The following SETBP1 variants were observed in gnomAD, a reference collection of about 807,000 sequenced individuals.
SETBP1 encodes the protein SET binding protein 1, also known as SET-binding protein.
SETBP1 carries 9 observed loss-of-function variants against 101.0 expected under a neutral mutation model. The observed-to-expected ratio is 0.09, with a 90% confidence interval of 0.05 to 0.16. SETBP1 has a LOEUF of 0.16. Ranked by LOEUF, SETBP1 falls within the 10% of genes least tolerant of loss-of-function variation. SETBP1 has a pLI of 1.00. For missense variants in SETBP1, 1,858 were observed against 2,033.8 expected, an observed-to-expected ratio of 0.91 and a Z score of 1.66; for synonymous variants, 818 against 788.5, an observed-to-expected ratio of 1.04 and a Z score of -0.63.
chr18:44,798,522 G>C (rs1389979830), intron 2 of SETBP1, among the ~76,000 whole-genome samples: 2 of 152,144 alleles, frequency 1.3e-5, no homozygotes, highest in African/African-American at 2.4e-5. Context: ...GGTATAGGAA[G>C]ATACCCAGGA....
intron 3 of SETBP1, among the ~76,000 whole-genome samples, chr18:44,925,012 T>G (rs1816830): frequency 0.25 from 16,655 of 66,516 alleles, 1,287 homozygotes; most frequent in East Asian, 0.4. Context: ...TGTGAGTTTT[T>G]TTTTTTTTTT....
At chr18:44,687,882 T>C (rs1045595936) in intron 1 of SETBP1, among the ~76,000 whole-genome samples, 3 of 152,134 alleles carry the variant, frequency 2.0e-5, no homozygotes, top group Non-Finnish European at 4.4e-5. Flanking sequence ...CCATAGCACC[T>C]GGTCTGCCCA....
intron 2 of SETBP1, among the ~76,000 whole-genome samples, chr18:44,709,488 C>T (rs955438368): frequency 2.0e-5 from 3 of 152,206 alleles, no homozygotes; most frequent in African/African-American, 7.2e-5. Context: ...CCTCTTGAAA[C>T]GTTTCCTGAC....
intron 2 of SETBP1, among the ~76,000 whole-genome samples, chr18:44,819,489 A>T (rs2072056922): frequency 6.6e-6 from 1 of 152,220 alleles, no homozygotes; most frequent in South Asian, 2.1e-4. Context: ...GCACATGGAA[A>T]TGGAAGCTTT....
intron 2 of SETBP1, among the ~76,000 whole-genome samples, chr18:44,771,916 A>AT (rs1333250486): frequency 1.3e-5 from 2 of 152,256 alleles, no homozygotes; most frequent in African/African-American, 2.4e-5. Flanking sequence ...TGCAGCTTAT[A>AT]TGATGGAACA....
At chr18:44,834,860 A>G (rs2072462283) in intron 2 of SETBP1, among the ~76,000 whole-genome samples, 1 of 152,174 alleles carries the variant, frequency 6.6e-6, no homozygotes, top group Non-Finnish European at 1.5e-5. Flanking sequence ...AGTTAAATCA[A>G]AAGGAGGGAG....
intron 3 of SETBP1, among the ~76,000 whole-genome samples, chr18:44,888,907 A>G (rs947813985): frequency 6.6e-6 from 1 of 152,008 alleles, no homozygotes; most frequent in Admixed American, 6.6e-5. Flanking sequence ...GTACCTACCT[A>G]TTTTTTCCCA....
chr18:44,832,256 T>C (rs1053445674), intron 2 of SETBP1, among the ~76,000 whole-genome samples: 3 of 152,226 alleles, frequency 2.0e-5, no homozygotes, highest in African/African-American at 7.2e-5. Context: ...TGACCAGTTA[T>C]ACCCTGGTCA....
At chr18:44,921,742 C>T (rs796369153) in intron 3 of SETBP1, among the ~76,000 whole-genome samples, 18 of 152,106 alleles carry the variant, frequency 1.2e-4, no homozygotes, top group African/African-American at 4.1e-4. Flanking sequence ...TGTGCTAAGC[C>T]CTATAGGATA....
chr18:44,716,376 C>T (rs777566895), intron 2 of SETBP1, among the ~76,000 whole-genome samples: 15 of 152,122 alleles, frequency 9.9e-5, no homozygotes, highest in Non-Finnish European at 1.5e-4. Context: ...CCACCACTGA[C>T]GGAAGTTTTT....
chr18:44,858,230 CA>C (rs1252613316), intron 2 of SETBP1, among the ~76,000 whole-genome samples: 14 of 152,286 alleles, frequency 9.2e-5, no homozygotes, highest in African/African-American at 3.4e-4. Context: ...AGAGTATCTT[CA>C]ATGGTGAAGA....
intron 4 of SETBP1, among the ~76,000 whole-genome samples, chr18:44,964,781 A>T (rs904019641): frequency 6.6e-6 from 1 of 151,872 alleles, no homozygotes; most frequent in Non-Finnish European, 1.5e-5. Context: ...AGGAAAACCA[A>T]CTCATGCTCC....
chr18:44,684,939 G>A (rs900170139), intron 1 of SETBP1, among the ~76,000 whole-genome samples: 2 of 152,090 alleles, frequency 1.3e-5, no homozygotes, highest in African/African-American at 2.4e-5. Flanking sequence ...GGGCCACCGC[G>A]CCCGACCGAG....
intron 2 of SETBP1, among the ~76,000 whole-genome samples, chr18:44,762,328 G>C (rs942130483): frequency 5.9e-5 from 9 of 152,132 alleles, no homozygotes; most frequent in African/African-American, 1.7e-4. Flanking sequence ...GAGTTCTTAA[G>C]ATATTGTTAT....
intron 2 of SETBP1, among the ~76,000 whole-genome samples, chr18:44,718,070 A>G (rs1183028452): frequency 6.6e-6 from 1 of 152,220 alleles, no homozygotes; most frequent in Non-Finnish European, 1.5e-5. Context: ...ACTTTACCAT[A>G]TGGAATGATC....
intron 2 of SETBP1, among the ~76,000 whole-genome samples, chr18:44,781,503 C>T (rs1301641331): frequency 6.7e-6 from 1 of 149,280 alleles, no homozygotes; most frequent in Non-Finnish European, 1.5e-5. Flanking sequence ...CTCCCTCTCC[C>T]CCCCACCCCC....
chr18:44,773,786 CA>C (rs2070926867), intron 2 of SETBP1, among the ~76,000 whole-genome samples: 1 of 151,226 alleles, frequency 6.6e-6, no homozygotes, highest in Non-Finnish European at 1.5e-5. Flanking sequence ...GTATTAATCT[CA>C]ACCAGCCTCT....
At chr18:44,839,296 A>G (rs2072564736) in intron 2 of SETBP1, among the ~76,000 whole-genome samples, 1 of 152,196 alleles carries the variant, frequency 6.6e-6, no homozygotes, top group Admixed American at 6.5e-5. Flanking sequence ...TTCTGCCAAA[A>G]TAGAAAGTCT....
At chr18:44,813,998 A>G (rs1419365558) in intron 2 of SETBP1, among the ~76,000 whole-genome samples, 2 of 152,180 alleles carry the variant, frequency 1.3e-5, no homozygotes, top group Non-Finnish European at 2.9e-5. Context: ...TAGGCTGGAA[A>G]TAATGATAAA....
Sources: gnomAD v4.1 joint callset for allele counts (sites outside exome capture counted in the v4.1 genomes callset) on GRCh38, gnomAD v4.1.1 for gene constraint, MANE v1.5 for transcripts, NCBI Gene and HGNC (gene_info 2026-07-23, HGNC 2026-07-21) for gene names.